CDH18: variants seen among roughly 807,000 people sequenced by gnomAD.
CDH18 encodes the protein cadherin 18, also known as cadherin-18.
In CDH18, 31 loss-of-function variants were observed where a neutral mutation model predicts 67.9. The ratio of observed to expected loss-of-function variants is 0.46; its 90% CI spans 0.34 to 0.62. The LOEUF (loss-of-function observed/expected upper bound fraction) is 0.62. CDH18 is among the 20% of genes least tolerant of loss of function. The pLI is 0.01. For synonymous variants in CDH18, 362 were observed against 347.2 expected (o/e 1.04, Z -0.48); for missense variants, 890 against 975.5 (o/e 0.91, Z 1.17).
intron 8 of CDH18, among the ~76,000 whole-genome samples, chr5:19,571,066 T>C (rs1002994669): frequency 6.6e-6 from 1 of 152,214 alleles, no homozygotes; most frequent in South Asian, 2.1e-4. Context: ...CAGGCCACTT[T>C]GCTGAGTGCT....
chr5:19,634,676 C>A (rs1250942027), intron 5 of CDH18, among the ~76,000 whole-genome samples: 2 of 152,056 alleles, frequency 1.3e-5, no homozygotes, highest in Non-Finnish European at 2.9e-5. Flanking sequence ...GTGGCTCATG[C>A]ATGTAATCCC....
At chr5:20,141,080 A>G (rs1750203981) in intron 2 of CDH18, among the ~76,000 whole-genome samples, 1 of 152,142 alleles carries the variant, frequency 6.6e-6, no homozygotes, top group African/African-American at 2.4e-5. Flanking sequence ...TTTACTCTGC[A>G]TCCCCAGGAA....
At chr5:20,233,009 C>G (rs1276031271) in intron 2 of CDH18, among the ~76,000 whole-genome samples, 2 of 151,682 alleles carry the variant, frequency 1.3e-5, no homozygotes, top group Non-Finnish European at 2.9e-5. Context: ...GAAGTTGAAA[C>G]CTGATTAATC....
intron 2 of CDH18, among the ~76,000 whole-genome samples, chr5:20,020,852 G>A (rs1738351525): frequency 6.6e-6 from 1 of 152,134 alleles, no homozygotes; most frequent in Non-Finnish European, 1.5e-5. Context: ...GTGTAGCTAT[G>A]AGAAGAAGAC....
At chr5:20,026,482 T>G (rs541462173) in intron 2 of CDH18, among the ~76,000 whole-genome samples, 2 of 152,226 alleles carry the variant, frequency 1.3e-5, no homozygotes, top group Non-Finnish European at 2.9e-5. Flanking sequence ...ACATTATGTA[T>G]GTCTATAAGC....
chr5:20,548,584 G>T (rs1757468095), intron 1 of CDH18, among the ~76,000 whole-genome samples: 1 of 152,052 alleles, frequency 6.6e-6, no homozygotes, highest in South Asian at 2.1e-4. Flanking sequence ...CACAGAAGTT[G>T]TTCTTTCCAC....
At chr5:19,989,469 C>A (rs896798969), upstream of CDH18, among the ~76,000 whole-genome samples, 6 of 152,084 alleles carry the variant, frequency 3.9e-5, no homozygotes, top group African/African-American at 1.2e-4. Flanking sequence ...AAGCTTTTAC[C>A]CTTCTCTGAG....
chr5:20,031,105 T>C (rs932795954), intron 2 of CDH18, among the ~76,000 whole-genome samples: 3 of 152,124 alleles, frequency 2.0e-5, no homozygotes, highest in Admixed American at 2.0e-4. Flanking sequence ...TACCTGTGCA[T>C]GAACTGCGCC....
intron 1 of CDH18, among the ~76,000 whole-genome samples, chr5:20,268,437 C>G (rs146880643): frequency 6.6e-6 from 1 of 152,258 alleles, no homozygotes; most frequent in African/African-American, 2.4e-5. Flanking sequence ...CAACTCAATA[C>G]AGATGAAAGA....
chr5:20,157,978 T>C (rs983170255), intron 2 of CDH18, among the ~76,000 whole-genome samples: 2 of 152,134 alleles, frequency 1.3e-5, no homozygotes, highest in African/African-American at 2.4e-5. Context: ...CTCTTCCCAG[T>C]TTCTGTTAAC....
chr5:20,443,207 C>CTCAAAAAAAAAAAAAAAAAAAA (rs1491460573), intron 1 of CDH18, among the ~76,000 whole-genome samples: 2 of 25,382 alleles, frequency 7.9e-5, no homozygotes, highest in African/African-American at 2.9e-4. Flanking sequence ...GAGACTCCGT[C>CTCAAAAAAAAAAAAAAAAAAAA]ACAAAAAAAA....
At chr5:20,021,114 AT>A (rs1738379610) in intron 2 of CDH18, among the ~76,000 whole-genome samples, 1 of 152,032 alleles carries the variant, frequency 6.6e-6, no homozygotes, top group Middle Eastern at 3.4e-3. Flanking sequence ...TGGGTTGGGA[AT>A]TGCATGGGGG....
At chr5:20,050,764 C>A (rs1741349572) in intron 2 of CDH18, among the ~76,000 whole-genome samples, 1 of 151,752 alleles carries the variant, frequency 6.6e-6, no homozygotes, top group African/African-American at 2.4e-5. Context: ...CCATTATTAA[C>A]CCAAATAACA....
Position 19,647,527 on chromosome 5 carries a change from C to CAAAAAAAAAAA in CDH18, c.644-34937_644-34927dup, listed in dbSNP as rs3062888. On this transcript the variant is annotated intron_variant, in intron 5 of 12. Transcript: ENST00000382275. ...CCCAGGTGACAGAGCGAGACTCCAT[C>CAAAAAAAAAAA]AAAAAAAAAAAAAAAAAAAAAAAAA... Among the ~76,000 whole-genome samples the CAAAAAAAAAAA allele has an allele frequency of 4.2e-4, 12 of 28,800 alleles. 1 individual carries two copies. Among genetic ancestry groups the CAAAAAAAAAAA allele is most frequent in the Non-Finnish European group, 5.8e-4 (10 of 17,226 alleles). The allele number at this position is 28,800 out of a possible 152,430, so 18.9% of individuals were successfully genotyped here.
intron 1 of CDH18, among the ~76,000 whole-genome samples, chr5:19,982,892 A>T (rs1799192751): frequency 6.6e-6 from 1 of 151,976 alleles, no homozygotes; most frequent in African/African-American, 2.4e-5. Flanking sequence ...ATAATACAAA[A>T]AATTAGCCGG....
chr5:20,182,204 T>G (rs531271921), intron 2 of CDH18, among the ~76,000 whole-genome samples: 1 of 152,172 alleles, frequency 6.6e-6, no homozygotes, highest in South Asian at 2.1e-4. Flanking sequence ...GATAACTTGT[T>G]TTTTTTTGCT....
chr5:20,561,208 A>G (rs1758189481), intron 1 of CDH18, among the ~76,000 whole-genome samples: 1 of 152,116 alleles, frequency 6.6e-6, no homozygotes, highest in South Asian at 2.1e-4. Context: ...AGTTTTTTAC[A>G]AAACTAAGCA....
At chr5:19,525,144 G>A (rs1747560935) in intron 9 of CDH18, among the ~76,000 whole-genome samples, 1 of 152,124 alleles carries the variant, frequency 6.6e-6, no homozygotes. Context: ...ACCATATCTT[G>A]AGGAGGAATT....
At chr5:19,810,425 A>G (rs2149891310) in intron 3 of CDH18, among the ~76,000 whole-genome samples, 1 of 152,252 alleles carries the variant, frequency 6.6e-6, no homozygotes, top group East Asian at 1.9e-4. Context: ...TTCATACTTA[A>G]TTCGAAGAGC....
Sources: gnomAD v4.1 joint callset for allele counts (sites outside exome capture counted in the v4.1 genomes callset) on GRCh38, gnomAD v4.1.1 for gene constraint, MANE v1.5 for transcripts, NCBI Gene and HGNC (gene_info 2026-07-23, HGNC 2026-07-21) for gene names.